Variants in TTC3 observed in about 807,000 individuals in gnomAD.
TTC3 encodes the protein tetratricopeptide repeat domain 3.
TTC3 carries 180 observed loss-of-function variants against 249.6 expected under a neutral mutation model. The ratio of observed to expected loss-of-function variants is 0.72; its 90% confidence interval spans 0.64 to 0.82. TTC3 has a LOEUF of 0.82. Among genes scored for constraint, TTC3 ranks in the 40% least tolerant of loss-of-function variants. TTC3 has a pLI of 0.00. For synonymous variants in TTC3, 717 were observed against 805.0 expected (o/e 0.89, Z 1.85); for missense variants, 2,061 against 2,398.4 (o/e 0.86, Z 2.94).
At chr21:37,078,855 T>G (rs1228334071) in intron 1 of TTC3, among the ~76,000 whole-genome samples, 1 of 152,208 alleles carries the variant, frequency 6.6e-6, no homozygotes. Flanking sequence ...ATTAGGGTTG[T>G]TCATTAGAAG....
chr21:37,143,182 A>C (rs1419496956), intron 20 of TTC3, among the ~76,000 whole-genome samples: 8 of 152,226 alleles, frequency 5.3e-5, no homozygotes, highest in Non-Finnish European at 8.8e-5. Context: ...GGACATAGGC[A>C]TGGGTAAGGA....
At chr21:37,196,135 G>A (rs1226494648) in intron 42 of TTC3, 99 bp downstream of exon 42, 6 of 1,470,178 alleles carry the variant, frequency 4.1e-6, no homozygotes, top group Admixed American at 4.5e-5. Flanking sequence ...AACATGAAAA[G>A]GGTTGCATAA....
chr21:37,191,499 T>C (rs2084094487), intron 40 of TTC3, 75 bp downstream of exon 40: 2 of 882,150 alleles, frequency 2.3e-6, no homozygotes, highest in African/African-American at 3.6e-5. Context: ...GGTGTCATAT[T>C]GAATCTATTT....
chr21:37,093,546 A>G lies in TTC3; in HGVS notation c.602-459A>G, dbSNP rs1193089090. On this transcript the variant is annotated intron_variant, in intron 7 of 45. Transcript: ENST00000355666. ...TGAATAAGAGATACTCAATCTTTATATTAAATAGATTGTAGAAAGTAGTTT... is the reference window on the plus strand; with the variant it reads ...TGAATAAGAGATACTCAATCTTTATGTTAAATAGATTGTAGAAAGTAGTTT... The G allele has an allele frequency of 2.0e-5, 3 of 152,900 alleles. No individual in the cohort carries two copies. The East Asian group carries it at 5.8e-4, about 29-fold the overall frequency. The allele number at this position is 152,900 out of a possible 1,614,324, so 9.5% of individuals were successfully genotyped here.
chr21:37,175,099 C>T (rs960040796), intron 35 of TTC3, among the ~76,000 whole-genome samples: 1 of 130,076 alleles, frequency 7.7e-6, no homozygotes. Context: ...ACTAAAAATA[C>T]AAAAAAAAAA....
In TTC3 at chr21:37,192,059, C is replaced by G. The variant is rs748957455; in HGVS notation, c.5116-53C>G. The G allele has an allele frequency of 3.5e-6, 4 of 1,135,798 alleles. No individual in the cohort carries two copies. In the East Asian group the frequency reaches 9.5e-5, roughly 27 times the overall value. 70.4% of individuals were successfully genotyped at this position (1,135,798 alleles called of 1,614,324 possible). A position where few individuals can be genotyped will look rare whatever the true frequency, so the allele number is the denominator to read the frequency against. ...TTCATTTATAATGTGTAGGAAGAAA[C>G]AAAGTATTAATTGACAATTGTGGTT... On this transcript the variant is annotated intron_variant, in intron 40 of 45. Coordinates refer to ENST00000355666, the Ensembl canonical transcript of TTC3.
chr21:37,148,562 G>T (rs762235627), exon 23 of TTC3: 1 of 1,591,922 alleles, frequency 6.3e-7, no homozygotes, highest in Non-Finnish European at 8.5e-7. Flanking sequence ...ATACGCATCA[G>T]CTGTTGCCAG....
At chr21:37,156,585 T>G (rs1405677834) in intron 27 of TTC3, 70 bp from the exon 28 acceptor site, 11 of 1,531,658 alleles carry the variant, frequency 7.2e-6, no homozygotes, top group Non-Finnish European at 8.8e-6. Flanking sequence ...TTCAGAGATG[T>G]GAAACTAAAT....
At chr21:37,109,862 A>C (rs1381623854) in intron 11 of TTC3, among the ~76,000 whole-genome samples, 4 of 152,140 alleles carry the variant, frequency 2.6e-5, no homozygotes, top group African/African-American at 9.7e-5. Context: ...CTGAGACAAA[A>C]CTTCCAGAGG....
At chr21:37,175,547 A>G (rs186359358) in intron 35 of TTC3, among the ~76,000 whole-genome samples, 1 of 147,830 alleles carries the variant, frequency 6.8e-6, no homozygotes, top group Non-Finnish European at 1.5e-5. Flanking sequence ...CAGTGAGCCA[A>G]GATCGCACCA....
rs141315648 is a variant in TTC3 at position 37,126,115 on chromosome 21, C to T, written c.1269C>T (p.Asp423=). Residue 423 remains aspartate, a synonymous_variant, in exon 15 of 46, where the codon GAC becomes GAT. Coordinates refer to ENST00000355666, the Ensembl canonical transcript of TTC3. The stretch of plus-strand genomic sequence containing the variant: ...AGGCGTTGAAGGTAGATGATTGTGA[C>T]TGTCATCCTGAATTTTCACCACCAT... The T allele has an allele frequency of 1.2e-4, 199 of 1,608,252 alleles. No individual in the cohort carries two copies. The African/African-American group carries it at 2.4e-3, about 20-fold the overall frequency.
intron 40 of TTC3, 150 bp downstream of exon 40, chr21:37,191,574 A>G: frequency 1.9e-6 from 1 of 515,702 alleles, no homozygotes; most frequent in Non-Finnish European, 3.3e-6. Flanking sequence ...TCATGGAACT[A>G]ATGGTTTTGT....
chr21:37,179,754 AC>A (rs2082588660), intron 35 of TTC3, among the ~76,000 whole-genome samples: 1 of 151,772 alleles, frequency 6.6e-6, no homozygotes, highest in Admixed American at 6.6e-5. Context: ...CCTGCCTCAG[AC>A]TCCTGAGTAG....
chr21:37,097,362 C>T (rs909731838), intron 10 of TTC3, among the ~76,000 whole-genome samples: 1 of 152,022 alleles, frequency 6.6e-6, no homozygotes, highest in African/African-American at 2.4e-5. Context: ...TCCTGCCTTA[C>T]TGTAAGAAAG....
intron 4 of TTC3, among the ~76,000 whole-genome samples, chr21:37,088,595 T>TTA (rs1397934953): frequency 2.0e-5 from 3 of 152,208 alleles, no homozygotes; most frequent in Admixed American, 2.0e-4. Flanking sequence ...ACATGGGTGT[T>TTA]TATAAGTATC....
exon 46 of TTC3, chr21:37,201,817 C>T (rs187345622): frequency 4.4e-5 from 23 of 522,192 alleles, no homozygotes; most frequent in Middle Eastern, 5.2e-4. Context: ...ACTGGGGCTG[C>T]GCAGGGCTCT....
At chr21:37,142,372 C>T (rs193074337) in intron 20 of TTC3, among the ~76,000 whole-genome samples, 14 of 152,320 alleles carry the variant, frequency 9.2e-5, no homozygotes, top group African/African-American at 3.4e-4. Flanking sequence ...AGCCCAAAAT[C>T]TTCTTAAGCT....
In TTC3 at chr21:37,156,702, A is replaced by T; in HGVS notation, c.2788A>T (p.Lys930Ter). 1 of 1,614,066 alleles carries T rather than the reference A, an allele frequency of 6.2e-7. No homozygotes were observed. The highest frequency in any genetic ancestry group is 8.5e-7 in the Non-Finnish European group (1 of 1,179,988). The change falls in exon 28 of 46, where the codon AAA becomes TAA. Residue 930 changes from lysine (K) to a stop codon, truncating the protein, a stop_gained. Coordinates refer to ENST00000355666, the Ensembl canonical transcript of TTC3. LOFTEE classifies it high-confidence loss of function. ...CTTTTCTCGTTATGGAGCATCTCTT[A>T]AACTGCTTGATTTTAGTATCATGAC...
chr21:37,194,520 G>C (rs918250008), intron 41 of TTC3: 1 of 152,154 alleles, frequency 6.6e-6, no homozygotes, highest in African/African-American at 2.4e-5. Context: ...AAGCATGGGA[G>C]TAATGATGCT....
Sources: gnomAD v4.1 joint callset for allele counts (sites outside exome capture counted in the v4.1 genomes callset) on GRCh38, gnomAD v4.1.1 for gene constraint, MANE v1.5 for transcripts, NCBI Gene and HGNC (gene_info 2026-07-23, HGNC 2026-07-21) for gene names.